The following CAT variants were observed in gnomAD, a reference collection of about 807,000 sequenced individuals.
CAT encodes the protein epididymis secretory sperm binding protein.
In CAT, 43 loss-of-function variants were observed where a neutral mutation model predicts 59.0. The ratio of observed to expected loss-of-function variants is 0.73; its 90% CI spans 0.57 to 0.94. The LOEUF is 0.94. CAT is among the 40% of genes least tolerant of loss of function. The pLI is 0.00. For synonymous variants in CAT, 218 were observed against 230.9 expected (o/e 0.94, Z 0.51); for missense variants, 664 against 682.9 (o/e 0.97, Z 0.31).
rs1032962795 is a variant in CAT at position 34,471,788 on chromosome 11, A to C, written c.*355A>C. 2 of 242,586 alleles carry C rather than the reference A, an allele frequency of 8.2e-6. No individual in the cohort carries two copies. The highest frequency in any genetic ancestry group is 4.5e-5 in the African/African-American group (2 of 44,148). 15.0% of individuals were successfully genotyped at this position (242,586 alleles called of 1,614,324 possible). On this transcript the variant is annotated 3_prime_UTR_variant, in exon 13 of 13. Transcript: ENST00000241052. ...ACCTCATGGCCTATTATATTAAAAT[A>C]TGGCTATAAATATATAAAAAGAAAA...
chr11:34,450,198 A>G (rs1856506760), intron 2 of CAT, among the ~76,000 whole-genome samples: 1 of 152,232 alleles, frequency 6.6e-6, no homozygotes, highest in South Asian at 2.1e-4. Flanking sequence ...AGAAATACAG[A>G]CATAGACACA....
chr11:34,461,942 C>T (rs998943418), intron 9 of CAT, among the ~76,000 whole-genome samples: 2 of 152,172 alleles, frequency 1.3e-5, no homozygotes, highest in Non-Finnish European at 2.9e-5. Flanking sequence ...AAGGATTCCC[C>T]TCCCTTCATT....
intron 9 of CAT, among the ~76,000 whole-genome samples, chr11:34,462,247 G>T (rs1038155820): frequency 6.6e-6 from 1 of 151,576 alleles, no homozygotes; most frequent in African/African-American, 2.4e-5. Flanking sequence ...TTTTACTGAT[G>T]ATTTATATTT....
intron 1 of CAT, among the ~76,000 whole-genome samples, chr11:34,440,374 G>A (rs780992979): frequency 6.6e-6 from 1 of 152,068 alleles, no homozygotes; most frequent in Non-Finnish European, 1.5e-5. Flanking sequence ...AGTAAAGGAT[G>A]TGCCACTACT....
chr11:34,439,090 TG>T lies in CAT; in HGVS notation c.66+12del. On this transcript the variant is annotated intron_variant, in intron 1 of 12. Transcript: ENST00000241052. ...CAGCGGGCCGCGCAGGTACACTCTG[TG>T]CTCCCCGAGCGGGCCCGAAGGTCCG... The T allele has an allele frequency of 2.5e-6, 4 of 1,579,542 alleles. No individual in the cohort carries two copies. The highest frequency in any genetic ancestry group is 3.4e-6 in the Non-Finnish European group (4 of 1,162,660).
In CAT at chr11:34,457,008, C is replaced by T. The variant is rs1399611259; in HGVS notation, c.1056+191C>T. The T allele has an allele frequency of 2.1e-5, 13 of 623,778 alleles. No individual in the cohort carries two copies. In the East Asian group the frequency reaches 3.4e-4, roughly 16 times the overall value. The allele number at this position is 623,778 out of a possible 1,614,324, so 38.6% of individuals were successfully genotyped here. A position where few individuals can be genotyped will look rare whatever the true frequency, so the allele number is the denominator to read the frequency against. On this transcript the variant is annotated intron_variant, in intron 8 of 12. Coordinates refer to ENST00000241052, the MANE Select transcript of CAT (RefSeq NM_001752.4). ...CTTCAATGAGCATTCCTTGAGTAAA[C>T]CAAGTATAAACAAAAGTCCATGGTA...
Position 34,452,059 on chromosome 11 carries a change from T to C in CAT, c.350-18T>C. 1 of 1,613,894 alleles carries C rather than the reference T, an allele frequency of 6.2e-7. No individual in the cohort carries two copies. ...AGTGCTGTGGCTTATGCTTCCTGTTTCCATTTGAATATTGTAGCTGGAGAA... is the reference window on the plus strand; with the variant it reads ...AGTGCTGTGGCTTATGCTTCCTGTTCCCATTTGAATATTGTAGCTGGAGAA... On this transcript the variant is annotated intron_variant, in intron 3 of 12. Transcript: ENST00000241052.
rs370689417 is a variant in CAT at position 34,466,605 on chromosome 11, G to A, written c.1327-1683G>A. Among the ~76,000 whole-genome samples, 28 of 151,566 alleles carry A rather than the reference G, an allele frequency of 1.8e-4. No individual in the cohort carries two copies. In the South Asian group the frequency reaches 2.5e-3, roughly 14 times the overall value. On this transcript the variant is annotated intron_variant, in intron 10 of 12. Coordinates refer to ENST00000241052, the MANE Select transcript of CAT (RefSeq NM_001752.4). ...ATCCTGGCTAACACGGTGAAACCCC[G>A]TCTCTACTAAAAATACAAAAAAAAA...
intron 10 of CAT, among the ~76,000 whole-genome samples, chr11:34,464,609 C>T (rs1856692192): frequency 6.6e-6 from 1 of 152,028 alleles, no homozygotes; most frequent in African/African-American, 2.4e-5. Flanking sequence ...AACTAGAGAT[C>T]CAAAATAGCT....
intron 2 of CAT, 82 bp from the exon 3 acceptor site, chr11:34,450,906 T>A: frequency 3.3e-6 from 3 of 912,650 alleles, no homozygotes; most frequent in Non-Finnish European, 5.6e-6. Flanking sequence ...CATCATTTTC[T>A]CTTGTCACCC....
chr11:34,451,984 A>C (rs2133182688), intron 3 of CAT, 93 bp from the exon 4 acceptor site: 1 of 1,370,658 alleles, frequency 7.3e-7, no homozygotes, highest in East Asian at 2.3e-5. Context: ...AGTGGATTAG[A>C]AAGGATGGAT....
At chr11:34,445,893 T>G (rs1856448211) in intron 1 of CAT, among the ~76,000 whole-genome samples, 1 of 152,202 alleles carries the variant, frequency 6.6e-6, no homozygotes, top group Non-Finnish European at 1.5e-5. Flanking sequence ...GCAAAGTTAC[T>G]TAAGTTTTCT....
intron 8 of CAT, among the ~76,000 whole-genome samples, chr11:34,460,446 C>CTTTTTTT (rs149180752): frequency 5.9e-5 from 5 of 84,498 alleles, no homozygotes; most frequent in Admixed American, 1.4e-4. Flanking sequence ...GTGGGCGGTA[C>CTTTTTTT]TTTTTTTTTT....
At chr11:34,463,908 G>C (rs17881586) in intron 9 of CAT, among the ~76,000 whole-genome samples, 197 bp from the exon 10 acceptor site, 2 of 152,162 alleles carry the variant, frequency 1.3e-5, no homozygotes, top group Non-Finnish European at 2.9e-5. Context: ...AGATGGCAGC[G>C]TTCCCTAAGA....
chr11:34,448,483 C>G (rs1440234484), intron 1 of CAT, among the ~76,000 whole-genome samples: 1 of 152,158 alleles, frequency 6.6e-6, no homozygotes, highest in African/African-American at 2.4e-5. Flanking sequence ...AGAGGAGGGA[C>G]AGCTGAGTGT....
At chr11:34,469,028 A>G (rs77168540) in intron 11 of CAT, among the ~76,000 whole-genome samples, 155 of 152,368 alleles carry the variant, frequency 1.0e-3, no homozygotes, top group Admixed American at 1.8e-3. Flanking sequence ...AAGAACTGCA[A>G]TGCTTCCAAA....
chr11:34,468,911 C>T (rs1856747147), intron 11 of CAT, among the ~76,000 whole-genome samples: 1 of 152,172 alleles, frequency 6.6e-6, no homozygotes, highest in Non-Finnish European at 1.5e-5. Context: ...ATCAGTCTGT[C>T]TTTCTTTTTT....
chr11:34,453,028 A>G, intron 4 of CAT, 62 bp from the exon 5 acceptor site: 1 of 974,902 alleles, frequency 1.0e-6, no homozygotes, highest in Non-Finnish European at 1.7e-6. Flanking sequence ...ATATATAATG[A>G]AAGACACCAT....
chr11:34,451,063 A>G lies in CAT; in HGVS notation c.314A>G (p.Lys105Arg), dbSNP rs2133182153. The change falls in exon 3 of 13, where the codon AAG (lysine) becomes AGG (arginine). Residue 105 changes from lysine to arginine, a missense_variant. Coordinates refer to ENST00000241052, the MANE Select transcript of CAT (RefSeq NM_001752.4). Reference protein sequence around the residue: ...SKAKVFEHIGKKTPIAVRFST... With the variant: ...SKAKVFEHIGRKTPIAVRFST... ...GCAAAGGTATTTGAGCATATTGGAAAGAAGACTCCCATCGCAGTTCGGTTC... is the reference window on the plus strand; with the variant it reads ...GCAAAGGTATTTGAGCATATTGGAAGGAAGACTCCCATCGCAGTTCGGTTC... The G allele has an allele frequency of 1.2e-6, 2 of 1,613,466 alleles. No homozygotes were observed. The highest frequency in any genetic ancestry group is 2.7e-5 in the African/African-American group (2 of 75,046).
Sources: allele counts gnomAD v4.1 joint callset (sites outside exome capture counted in the v4.1 genomes callset), GRCh38; gene constraint gnomAD v4.1.1; transcripts MANE v1.5; gene names NCBI Gene and HGNC (gene_info 2026-07-23, HGNC 2026-07-21).